The following CALN1 variants were observed in gnomAD, a reference collection of about 807,000 sequenced individuals.
The protein encoded by CALN1 is calcium-binding protein 8.
In CALN1, 17 loss-of-function variants were observed where a neutral mutation model predicts 30.6. The ratio of observed to expected loss-of-function variants is 0.56; its 90% confidence interval spans 0.38 to 0.83. CALN1 has a LOEUF of 0.83. CALN1 is among the 40% of genes least tolerant of loss of function. The pLI, the probability that CALN1 is intolerant of heterozygous loss-of-function variation, is 0.00. For missense variants in CALN1, 291 were observed against 354.9 expected, an observed-to-expected ratio of 0.82 and a Z score of 1.45; for synonymous variants, 156 against 131.4, an observed-to-expected ratio of 1.19 and a Z score of -1.28.
rs1792979729 is a variant in CALN1, at chr7:71,786,344, G to C, written c.*1431C>G. 6.6e-6 allele frequency: 1 copy of C among 152,194 alleles called. No individual in the cohort carries two copies. The allele number at this position is 152,194 out of a possible 1,614,324, so 9.4% of individuals were successfully genotyped here. ...AAAATAAAGACCTGAGCTTGGAAAA[G>C]TACAAAGGGAACTATTACATCTAGA... On this transcript the variant is annotated 3_prime_UTR_variant, in exon 7 of 7. Coordinates refer to ENST00000395275, the MANE Select transcript of CALN1 (RefSeq NM_031468.4).
At chr7:72,168,211 ATACT>A (rs1217343491) in intron 3 of CALN1, among the ~76,000 whole-genome samples, 5 of 146,952 alleles carry the variant, frequency 3.4e-5, no homozygotes, top group African/African-American at 1.3e-4. Flanking sequence ...TTCTCAACAC[ATACT>A]TAATTTTTGC....
At chr7:72,055,769 T>TG (rs1803214150) in intron 4 of CALN1, among the ~76,000 whole-genome samples, 1 of 152,284 alleles carries the variant, frequency 6.6e-6, no homozygotes, top group African/African-American at 2.4e-5. Flanking sequence ...GCTAACGCTC[T>TG]GGGGGGCTGA....
intron 2 of CALN1, among the ~76,000 whole-genome samples, chr7:72,332,211 G>A (rs1240793121): frequency 1.3e-5 from 2 of 152,156 alleles, no homozygotes; most frequent in Admixed American, 6.5e-5. Context: ...GTAGAGCAGG[G>A]CTATTCCCTA....
chr7:72,084,155 G>C (rs1399694866), intron 4 of CALN1, among the ~76,000 whole-genome samples: 1 of 152,120 alleles, frequency 6.6e-6, no homozygotes, highest in Non-Finnish European at 1.5e-5. Flanking sequence ...GTTGCAGTGA[G>C]CCAAGATCAC....
intron 5 of CALN1, among the ~76,000 whole-genome samples, chr7:71,931,682 C>T (rs558073525): frequency 6.6e-6 from 1 of 152,338 alleles, no homozygotes; most frequent in East Asian, 1.9e-4. Context: ...TCTTTCAAAG[C>T]CGTTGCTACT....
chr7:71,934,675 C>T (rs568526536), intron 5 of CALN1, among the ~76,000 whole-genome samples: 4 of 152,146 alleles, frequency 2.6e-5, no homozygotes, highest in African/African-American at 4.8e-5. Context: ...CAAACACCTC[C>T]CACCAGGCCC....
chr7:72,255,398 T>A (rs1163978643), intron 3 of CALN1, among the ~76,000 whole-genome samples: 1 of 58,070 alleles, frequency 1.7e-5, no homozygotes, highest in African/African-American at 4.7e-5. Context: ...TTTTTTCTTT[T>A]CTTTTCTTTT....
intron 2 of CALN1, among the ~76,000 whole-genome samples, chr7:72,347,365 C>G (rs1175676010): frequency 6.6e-6 from 1 of 151,962 alleles, no homozygotes; most frequent in African/African-American, 2.4e-5. Flanking sequence ...CTCCCGGGTT[C>G]AAGCGATTCT....
At chr7:72,229,973 TC>T (rs2129550510) in intron 3 of CALN1, among the ~76,000 whole-genome samples, 1 of 151,694 alleles carries the variant, frequency 6.6e-6, no homozygotes, top group East Asian at 1.9e-4. Context: ...AAACCCCGTC[TC>T]TACAAAAATA....
At chr7:71,837,715 G>A (rs1278530921) in intron 5 of CALN1, among the ~76,000 whole-genome samples, 1 of 152,066 alleles carries the variant, frequency 6.6e-6, no homozygotes, top group Non-Finnish European at 1.5e-5. Flanking sequence ...AGGGTCTTAA[G>A]GTTCTGTTTC....
chr7:72,041,485 G>A (rs1313638454), intron 4 of CALN1, among the ~76,000 whole-genome samples: 1 of 152,116 alleles, frequency 6.6e-6, no homozygotes, highest in Non-Finnish European at 1.5e-5. Context: ...CTGGGTTCAA[G>A]CAATTCTCCT....
chr7:71,953,476 C>T (rs926909343), intron 5 of CALN1, among the ~76,000 whole-genome samples: 4 of 152,088 alleles, frequency 2.6e-5, no homozygotes, highest in African/African-American at 4.8e-5. Flanking sequence ...ATATAGTCAC[C>T]TCTTCTTCTC....
chr7:72,104,865 A>G (rs1358862808), intron 4 of CALN1, among the ~76,000 whole-genome samples: 1 of 152,090 alleles, frequency 6.6e-6, no homozygotes, highest in Non-Finnish European at 1.5e-5. Flanking sequence ...GGCTAAGGCA[A>G]GAGAATCACT....
intron 6 of CALN1, among the ~76,000 whole-genome samples, chr7:71,798,304 A>G (rs1787085075): frequency 7.4e-6 from 1 of 134,288 alleles, no homozygotes; most frequent in Non-Finnish European, 1.5e-5. Context: ...AACCCAAACT[A>G]TATTTTATTT....
chr7:72,096,926 T>C (rs1319391110), intron 4 of CALN1, among the ~76,000 whole-genome samples: 1 of 152,186 alleles, frequency 6.6e-6, no homozygotes, highest in South Asian at 2.1e-4. Context: ...CCATCAATGA[T>C]AGACTGGATT....
chr7:72,315,720 T>A (rs765924697), intron 2 of CALN1, among the ~76,000 whole-genome samples: 99 of 151,008 alleles, frequency 6.6e-4, no homozygotes, highest in Admixed American at 1.6e-3. Context: ...AAAAAAAAAA[T>A]TTCAAAAAAC....
In CALN1 at chr7:72,395,975, G is replaced by A. The variant is rs141516918; in HGVS notation, c.119+7276C>T. Among the ~76,000 whole-genome samples, 266 of 152,010 alleles carry A rather than the reference G, an allele frequency of 1.7e-3. 1 individual carries two copies. Among genetic ancestry groups the A allele is most frequent in the Middle Eastern group, 6.8e-3 (2 of 294 alleles). ...TTTAACTCACCAGATACATTTTGAC[G>A]TTGAGCTAAATTTTGAACTGGCCAT... On this transcript the variant is annotated intron_variant, in intron 2 of 6. Coordinates refer to ENST00000395275, the MANE Select transcript of CALN1 (RefSeq NM_031468.4).
intron 3 of CALN1, among the ~76,000 whole-genome samples, chr7:72,111,194 C>T (rs995426918): frequency 2.0e-5 from 3 of 152,184 alleles, no homozygotes; most frequent in Non-Finnish European, 4.4e-5. Flanking sequence ...TCTTTGTGGG[C>T]CACAGAAATG....
chr7:72,104,882 G>T (rs979173701), intron 4 of CALN1, among the ~76,000 whole-genome samples: 1 of 152,104 alleles, frequency 6.6e-6, no homozygotes, highest in African/African-American at 2.4e-5. Flanking sequence ...CACTTGAACC[G>T]GGAGGCGGAG....
Sources: allele counts gnomAD v4.1 joint callset (sites outside exome capture counted in the v4.1 genomes callset), GRCh38; gene constraint gnomAD v4.1.1; transcripts MANE v1.5; gene names NCBI Gene and HGNC (gene_info 2026-07-23, HGNC 2026-07-21).